The following TMX3 variants were observed in gnomAD, a reference collection of about 807,000 sequenced individuals.
The protein encoded by TMX3 is protein disulfide-isomerase TMX3.
A neutral mutation model predicts 64.4 loss-of-function variants in TMX3; 40 were observed. That is an observed-to-expected ratio of 0.62 (90% CI 0.48 to 0.81). The LOEUF (loss-of-function observed/expected upper bound fraction) is 0.81, where lower values mean the gene tolerates loss of function less well. Among genes scored for constraint, TMX3 ranks in the 30% least tolerant of loss-of-function variants. The pLI is 0.00. For missense variants in TMX3, 497 were observed against 534.5 expected (o/e 0.93, Z 0.69); for synonymous variants, 189 against 175.7 (o/e 1.08, Z -0.60).
intron 4 of TMX3, among the ~76,000 whole-genome samples, 173 bp from the exon 5 acceptor site, chr18:68,701,963 T>A (rs2030129325): frequency 6.6e-6 from 1 of 151,616 alleles, no homozygotes. Context: ...GACATTCTCA[T>A]AGAAAACAAT....
rs1912732010 is a variant in TMX3, at chr18:68,674,012, A to T, written c.*2921T>A. Reference sequence around the variant, plus strand: ...TCCATGTCGTATGAAGCAATGATGAAAATATGTTACTTTTTGCAACACCAA... The same window carrying T: ...TCCATGTCGTATGAAGCAATGATGATAATATGTTACTTTTTGCAACACCAA... On this transcript the variant is annotated 3_prime_UTR_variant, in exon 16 of 16. Transcript: ENST00000299608. The T allele has an allele frequency of 6.6e-6, 1 of 152,066 alleles. No homozygotes were observed. Among genetic ancestry groups the T allele is most frequent in the Non-Finnish European group, 1.5e-5 (1 of 67,992 alleles). The allele number at this position is 152,066 out of a possible 1,614,324, so 9.4% of individuals were successfully genotyped here.
chr18:68,684,060 G>C (rs1024036762), intron 12 of TMX3, 130 bp downstream of exon 12: 3 of 724,402 alleles, frequency 4.1e-6, no homozygotes, highest in Non-Finnish European at 7.1e-6. Flanking sequence ...GGATAAGCGA[G>C]GATTACTGTT....
intron 1 of TMX3, 58 bp from the exon 2 acceptor site, chr18:68,713,958 T>C (rs1358529761): frequency 3.2e-6 from 4 of 1,262,116 alleles, no homozygotes; most frequent in South Asian, 2.7e-5. Context: ...TCATACCGTA[T>C]AAGCTTAGTC....
intron 8 of TMX3, among the ~76,000 whole-genome samples, chr18:68,694,393 C>T (rs1404337085): frequency 6.6e-6 from 1 of 152,212 alleles, no homozygotes; most frequent in Non-Finnish European, 1.5e-5. Context: ...ACATCTGGTC[C>T]AGCCGCAGCC....
At chr18:68,705,028 G>A (rs999637134) in intron 4 of TMX3, among the ~76,000 whole-genome samples, 30 of 152,202 alleles carry the variant, frequency 2.0e-4, no homozygotes, top group African/African-American at 6.8e-4. Context: ...TTTACTGAAT[G>A]TCACTATGTG....
At chr18:68,709,933 A>G (rs2031093593) in intron 4 of TMX3, 88 bp downstream of exon 4, 2 of 1,324,868 alleles carry the variant, frequency 1.5e-6, no homozygotes, top group East Asian at 2.6e-5. Flanking sequence ...CATGAGCAAA[A>G]AAAAGTCTTC....
At chr18:68,696,911 A>ACACACACACAC (rs1568192049) in intron 8 of TMX3, 142 of 244,110 alleles carry the variant, frequency 5.8e-4, no homozygotes, top group African/African-American at 3.2e-3. Flanking sequence ...TACGCACGCA[A>ACACACACACAC]AATAATCCAC....
chr18:68,691,848 T>C (rs1295526703), intron 8 of TMX3, among the ~76,000 whole-genome samples: 2 of 152,232 alleles, frequency 1.3e-5, no homozygotes, highest in East Asian at 1.9e-4. Context: ...TAAGGGATCA[T>C]TCAGAAAGTA....
In TMX3 at chr18:68,714,886, G is replaced by A. The variant is rs1437505872; in HGVS notation, c.46+50C>T. 3 of 1,547,594 alleles carry A rather than the reference G, an allele frequency of 1.9e-6. No individual in the cohort carries two copies. The Admixed American group carries it at 5.9e-5, about 30-fold the overall frequency. The stretch of plus-strand genomic sequence containing the variant: ...GGGTCCAATCCCGGCCCCACGGCGG[G>A]GCCAGGTCCCACGCGCCCGCCAGCG... On this transcript the variant is annotated intron_variant, in intron 1 of 15. Transcript: ENST00000299608.
At chr18:68,685,909 A>C (rs191201077) in intron 10 of TMX3, among the ~76,000 whole-genome samples, 18 of 152,296 alleles carry the variant, frequency 1.2e-4, no homozygotes, top group Non-Finnish European at 2.4e-4. Context: ...CAAAGAAAAA[A>C]GTATGTAAAA....
intron 8 of TMX3, among the ~76,000 whole-genome samples, chr18:68,696,453 T>C (rs1352131193): frequency 6.6e-6 from 1 of 151,774 alleles, no homozygotes; most frequent in Non-Finnish European, 1.5e-5. Flanking sequence ...ATTACAAGCG[T>C]AAGCCACTGG....
At chr18:68,709,734 C>T (rs1336619033) in intron 4 of TMX3, among the ~76,000 whole-genome samples, 1 of 152,066 alleles carries the variant, frequency 6.6e-6, no homozygotes, top group Non-Finnish European at 1.5e-5. Context: ...GTAGCAATAT[C>T]AATAGTTTAA....
Position 68,681,120 on chromosome 18 carries a change from TA to T in TMX3, c.906-11del. On this transcript the variant is annotated splice_polypyrimidine_tract_variant and intron_variant, in intron 13 of 15. Coordinates refer to ENST00000299608, the MANE Select transcript of TMX3 (RefSeq NM_019022.5). Reference sequence around the variant, plus strand: ...TGGGACTGTCAATTCACTGAAAATATAAAAACAAATCAAAATATACATTAAA... The same window carrying T: ...TGGGACTGTCAATTCACTGAAAATATAAAACAAATCAAAATATACATTAAA... The T allele has an allele frequency of 6.5e-7, 1 of 1,545,004 alleles. No homozygotes were observed. The highest frequency in any genetic ancestry group is 8.7e-7 in the Non-Finnish European group (1 of 1,148,264).
chr18:68,685,605 T>C (rs563595505), intron 10 of TMX3, among the ~76,000 whole-genome samples: 32 of 152,268 alleles, frequency 2.1e-4, no homozygotes, highest in African/African-American at 7.7e-4. Flanking sequence ...TTTCTCACAT[T>C]TATTAATTCA....
At chr18:68,707,809 T>G (rs2030823457) in intron 4 of TMX3, among the ~76,000 whole-genome samples, 1 of 152,144 alleles carries the variant, frequency 6.6e-6, no homozygotes, top group African/African-American at 2.4e-5. Context: ...CTCTAGAGAT[T>G]AGCACAGTGT....
chr18:68,711,817 T>C (rs2031305978), intron 2 of TMX3, among the ~76,000 whole-genome samples: 1 of 152,180 alleles, frequency 6.6e-6, no homozygotes. Context: ...GTTCTCACCA[T>C]TTCCTGGTAA....
intron 7 of TMX3, 41 bp from the exon 8 acceptor site, chr18:68,697,344 T>A: frequency 8.2e-7 from 1 of 1,222,522 alleles, no homozygotes; most frequent in Non-Finnish European, 1.2e-6. Flanking sequence ...TGAAAAATAT[T>A]AAAGGCCAAA....
At chr18:68,708,077 G>A (rs1241244670) in intron 4 of TMX3, among the ~76,000 whole-genome samples, 1 of 150,048 alleles carries the variant, frequency 6.7e-6, no homozygotes, top group East Asian at 2.0e-4. Context: ...GTGTATATGT[G>A]TATATATATG....
At position 68,682,987 on chromosome 18, in the gene TMX3, C is replaced by T; in HGVS notation, c.849-6G>A. 1.2e-6 allele frequency: 2 copies of T among 1,608,078 alleles called. No homozygotes were observed. The highest frequency in any genetic ancestry group is 8.5e-7 in the Non-Finnish European group (1 of 1,176,490). ...TGTGGCCAAACTGAAAATCCCTAAC[C>T]ACCACCAACCAAAAATAAATAAATA... On this transcript the variant is annotated splice_region_variant and splice_polypyrimidine_tract_variant and intron_variant, in intron 12 of 15. Coordinates refer to ENST00000299608, the MANE Select transcript of TMX3 (RefSeq NM_019022.5).
Sources: gnomAD v4.1 joint callset for allele counts (sites outside exome capture counted in the v4.1 genomes callset) on GRCh38, gnomAD v4.1.1 for gene constraint, MANE v1.5 for transcripts, NCBI Gene and HGNC (gene_info 2026-07-23, HGNC 2026-07-21) for gene names.